BCAP29: variants seen among roughly 807,000 people sequenced by gnomAD.
BCAP29 encodes B cell receptor associated protein 29, also known as B-cell receptor-associated protein 29.
In BCAP29, 34 loss-of-function variants were observed where a neutral mutation model predicts 31.8. That is an observed-to-expected ratio of 1.07 (90% CI 0.81 to 1.42). The LOEUF (loss-of-function observed/expected upper bound fraction) is 1.42, where lower values mean the gene tolerates loss of function less well. Ranked by LOEUF, BCAP29 falls within the 40% of genes most tolerant of loss-of-function variation. BCAP29 has a pLI of 0.00. For missense variants in BCAP29, 314 were observed against 269.2 expected, an observed-to-expected ratio of 1.17 and a Z score of -1.16; for synonymous variants, 104 against 91.3, an observed-to-expected ratio of 1.14 and a Z score of -0.79.
chr7:107,581,385 T>G (rs926963116), intron 2 of BCAP29, among the ~76,000 whole-genome samples: 21 of 152,358 alleles, frequency 1.4e-4, no homozygotes, highest in African/African-American at 5.0e-4. Context: ...ATAAAATTAA[T>G]GAATGTATAT....
intron 6 of BCAP29, among the ~76,000 whole-genome samples, chr7:107,604,558 T>C (rs1483204506): frequency 6.6e-6 from 1 of 152,168 alleles, no homozygotes; most frequent in East Asian, 1.9e-4. Flanking sequence ...CAGTTGTAAA[T>C]TTTTGTGGAC....
At chr7:107,606,366 G>T (rs1308388095) in intron 6 of BCAP29, among the ~76,000 whole-genome samples, 1 of 152,080 alleles carries the variant, frequency 6.6e-6, no homozygotes, top group Non-Finnish European at 1.5e-5. Flanking sequence ...TATTTTCATT[G>T]TTGGCTTTTT....
chr7:107,584,774 T>A (rs2129212409), intron 3 of BCAP29, among the ~76,000 whole-genome samples: 1 of 152,276 alleles, frequency 6.6e-6, no homozygotes, highest in African/African-American at 2.4e-5. Context: ...GGAGTGATTG[T>A]ATAATATTAG....
At chr7:107,594,701 A>C (rs1054405669) in intron 4 of BCAP29, among the ~76,000 whole-genome samples, 1 of 151,864 alleles carries the variant, frequency 6.6e-6, no homozygotes, top group Non-Finnish European at 1.5e-5. Context: ...ACAGGGTTTC[A>C]CTGGGTTAGC....
intron 5 of BCAP29, among the ~76,000 whole-genome samples, chr7:107,599,491 G>A (rs1810753358): frequency 1.4e-5 from 2 of 144,156 alleles, no homozygotes; most frequent in Non-Finnish European, 3.0e-5. Flanking sequence ...CTGTACTCCA[G>A]CCTGGGTGAC....
chr7:107,618,178 T>A (rs1814527713), intron 7 of BCAP29, 150 bp from the exon 8 acceptor site: 2 of 553,364 alleles, frequency 3.6e-6, no homozygotes, highest in East Asian at 3.2e-5. Context: ...TATAGTTTTT[T>A]AAATTTTAGA....
rs747977259 is a variant in BCAP29 at position 107,613,369 on chromosome 7, G to C, written c.627G>C (p.Lys209Asn). 2 of 1,612,788 alleles carry C rather than the reference G, an allele frequency of 1.2e-6. No homozygotes were observed. The highest frequency in any genetic ancestry group is 2.2e-5 in the South Asian group (2 of 90,946). Residue 209 changes from lysine to asparagine, a missense_variant, in exon 7 of 8, where the codon AAG (lysine) becomes AAC (asparagine). Physicochemically the swap from Lys to Asn is moderately conservative, Grantham distance 94. Transcript: ENST00000005259. ...SKAQNDVMEM[K>N]MQSERLSKEY... ...CACAAAATGATGTGATGGAAATGAA[G>C]ATGCAGTCAGAGAGACTTTCGAAAG...
intron 1 of BCAP29, 83 bp from the exon 2 acceptor site, chr7:107,580,676 T>G: frequency 2.2e-6 from 2 of 927,892 alleles, no homozygotes; most frequent in Non-Finnish European, 1.7e-6. Context: ...GTCCATCCCC[T>G]GGACAAAAAC....
At chr7:107,602,977 T>C (rs1452490338) in intron 6 of BCAP29, among the ~76,000 whole-genome samples, 1 of 140,152 alleles carries the variant, frequency 7.1e-6, no homozygotes. Flanking sequence ...TTTTTTTTTT[T>C]TTTTTTTTTT....
intron 3 of BCAP29, among the ~76,000 whole-genome samples, chr7:107,586,310 GA>G (rs909999504): frequency 1.3e-5 from 2 of 151,686 alleles, no homozygotes; most frequent in African/African-American, 4.8e-5. Flanking sequence ...CACATCAAAG[GA>G]AAAAAAATTG....
intron 3 of BCAP29, 31 bp from the exon 4 acceptor site, chr7:107,593,923 CA>C: frequency 6.4e-7 from 1 of 1,552,996 alleles, no homozygotes; most frequent in African/African-American, 1.4e-5. Context: ...TCGTAAAAGC[CA>C]AAAGTACTGT....
At chr7:107,590,149 T>C (rs1001344390) in intron 3 of BCAP29, among the ~76,000 whole-genome samples, 2 of 152,212 alleles carry the variant, frequency 1.3e-5, no homozygotes, top group African/African-American at 4.8e-5. Context: ...GGAAAAATTA[T>C]AGATTTGAAT....
chr7:107,595,989 A>T lies in BCAP29; in HGVS notation c.467A>T (p.Glu156Val). 1.9e-6 allele frequency: 3 copies of T among 1,576,334 alleles called. No individual in the cohort carries two copies. Among genetic ancestry groups the T allele is most frequent in the Non-Finnish European group, 2.6e-6 (3 of 1,167,584 alleles). Residue 156 changes from glutamate to valine, a missense_variant, in exon 5 of 8, where the codon GAA becomes GTA. Transcript: ENST00000005259. ...KAAKKFMEEN[E>V]KLKRILKSHG... The stretch of plus-strand genomic sequence containing the variant: ...GCCAAAAAATTTATGGAAGAAAACG[A>T]AAAACTAAAAAGGGTATTTAATTTT...
chr7:107,616,955 T>C (rs1189075062), intron 7 of BCAP29, among the ~76,000 whole-genome samples: 2 of 152,170 alleles, frequency 1.3e-5, no homozygotes, highest in African/African-American at 4.8e-5. Flanking sequence ...GCCAGGCTGG[T>C]CTCGAACTCC....
intron 6 of BCAP29, among the ~76,000 whole-genome samples, chr7:107,605,820 AG>A (rs1811985716): frequency 6.6e-6 from 1 of 152,218 alleles, no homozygotes; most frequent in Admixed American, 6.5e-5. Context: ...AGCTTATGGC[AG>A]GTTCATGTTT....
intron 3 of BCAP29, chr7:107,587,404 T>C (rs1807895821): frequency 6.6e-6 from 1 of 152,240 alleles, no homozygotes; most frequent in South Asian, 2.1e-4. Flanking sequence ...TATTGGTTAA[T>C]CTTCAGCTTT....
chr7:107,588,194 TG>T (rs1808057884), intron 3 of BCAP29, among the ~76,000 whole-genome samples: 2 of 152,184 alleles, frequency 1.3e-5, no homozygotes, highest in Non-Finnish European at 2.9e-5. Flanking sequence ...AGTATGTTCA[TG>T]GTATTAGAAA....
intron 3 of BCAP29, among the ~76,000 whole-genome samples, chr7:107,592,476 C>T (rs1809052995): frequency 1.3e-5 from 2 of 152,182 alleles, no homozygotes; most frequent in African/African-American, 4.8e-5. Context: ...CCAACATACA[C>T]TGCTTGTGGG....
downstream of BCAP29, chr7:107,621,665 A>C (rs1251243539): frequency 2.1e-6 from 1 of 470,998 alleles, no homozygotes; most frequent in African/African-American, 2.0e-5. Context: ...GAAGAGGAGA[A>C]AGCACAGTGA....
Sources: allele counts gnomAD v4.1 joint callset (sites outside exome capture counted in the v4.1 genomes callset), GRCh38; gene constraint gnomAD v4.1.1; transcripts MANE v1.5; gene names NCBI Gene and HGNC (gene_info 2026-07-23, HGNC 2026-07-21).